The following MTUS1 variants were observed in gnomAD, a reference collection of about 807,000 sequenced individuals.
MTUS1 encodes microtubule associated scaffold protein 1.
A neutral mutation model predicts 120.8 loss-of-function variants in MTUS1; 109 were observed. The observed-to-expected ratio is 0.90, with a 90% confidence interval of 0.77 to 1.06. The LOEUF is 1.06. Ranked by LOEUF, MTUS1 falls within the 50% of genes least tolerant of loss-of-function variation. The pLI, the probability that MTUS1 is intolerant of heterozygous loss-of-function variation, is 0.00. For missense variants in MTUS1, 2,210 were observed against 1,486.3 expected, an observed-to-expected ratio of 1.49 and a Z score of -8.01; for synonymous variants, 737 against 550.5, an observed-to-expected ratio of 1.34 and a Z score of -4.74.
chr8:17,719,555 A>G (rs1463720640), intron 4 of MTUS1, among the ~76,000 whole-genome samples: 1 of 152,246 alleles, frequency 6.6e-6, no homozygotes, highest in African/African-American at 2.4e-5. Context: ...GTGCGTAAGT[A>G]CTAACATGTT....
At chr8:17,689,068 G>T (rs1290511502) in intron 6 of MTUS1, among the ~76,000 whole-genome samples, 1 of 152,096 alleles carries the variant, frequency 6.6e-6, no homozygotes, top group African/African-American at 2.4e-5. Flanking sequence ...AAAGTTAGCT[G>T]GGTGTGGTGG....
At chr8:17,715,239 G>A (rs894402486) in intron 5 of MTUS1, among the ~76,000 whole-genome samples, 1 of 152,052 alleles carries the variant, frequency 6.6e-6, no homozygotes, top group Non-Finnish European at 1.5e-5. Context: ...TGGCCCCACT[G>A]AGACAAAGCT....
intron 8 of MTUS1, among the ~76,000 whole-genome samples, chr8:17,664,705 G>A (rs2130475870): frequency 6.6e-6 from 1 of 152,216 alleles, no homozygotes; most frequent in African/African-American, 2.4e-5. Flanking sequence ...TTCTACCGTA[G>A]GAGTGTGATG....
At chr8:17,713,295 G>T in intron 5 of MTUS1, 43 bp from the exon 6 acceptor site, 2 of 1,113,722 alleles carry the variant, frequency 1.8e-6, no homozygotes, top group South Asian at 2.7e-5. Context: ...TGTTTTATTT[G>T]ACATATCACA....
Position 17,713,296 on chromosome 8 carries a change from A to C in MTUS1, c.2585-44T>G, listed in dbSNP as rs371815520. The stretch of plus-strand genomic sequence containing the variant: ...ATGTAAAATACATATGTTTTATTTG[A>C]CATATCACATAAAAACAAACCATGT... On this transcript the variant is annotated intron_variant, in intron 5 of 14. Transcript: ENST00000693296. 116 of 1,108,436 alleles carry C rather than the reference A, an allele frequency of 1.0e-4. No homozygotes were observed. The African/African-American group carries it at 1.7e-3, about 17-fold the overall frequency. 68.7% of individuals were successfully genotyped at this position (1,108,436 alleles called of 1,614,324 possible).
rs1226284196 is a variant in MTUS1, at chr8:17,755,517, C to G, written c.291G>C (p.Met97Ile). 6.2e-7 allele frequency: 1 copy of G among 1,614,014 alleles called. No homozygotes were observed. The highest frequency in any genetic ancestry group is 1.3e-5 in the African/African-American group (1 of 74,914). ...GACACTGACAAATAGAATCTTTATG[C>G]ATATCTAACACCTGCTTACTAATGA... Reference protein sequence around the residue: ...SDFISKQVLDMHKDSICQCPA... With the variant: ...SDFISKQVLDIHKDSICQCPA... The change falls in exon 2 of 15, where the codon ATG becomes ATC. Residue 97 changes from methionine to isoleucine, a missense_variant. Met to Ile is a conservative substitution (Grantham distance 10). Coordinates refer to ENST00000693296, the MANE Select transcript of MTUS1 (RefSeq NM_001363059.2).
chr8:17,714,711 G>A (rs1821972309), intron 5 of MTUS1, among the ~76,000 whole-genome samples: 1 of 151,868 alleles, frequency 6.6e-6, no homozygotes, highest in African/African-American at 2.4e-5. Context: ...ACATACAGAG[G>A]AAAAAAGTCA....
intron 1 of MTUS1, among the ~76,000 whole-genome samples, chr8:17,756,237 C>A (rs545952818): frequency 3.9e-5 from 6 of 152,296 alleles, no homozygotes; most frequent in South Asian, 2.1e-4. Flanking sequence ...GCCTCTCCCC[C>A]ACTCCCAGGG....
intron 3 of MTUS1, among the ~76,000 whole-genome samples, chr8:17,737,338 G>A (rs996684464): frequency 2.6e-5 from 4 of 152,118 alleles, no homozygotes; most frequent in African/African-American, 9.7e-5. Context: ...TTTAAAAGAG[G>A]GCTTAGCACT....
chr8:17,731,434 G>A (rs567737806), intron 3 of MTUS1, among the ~76,000 whole-genome samples: 1 of 152,154 alleles, frequency 6.6e-6, no homozygotes, highest in African/African-American at 2.4e-5. Flanking sequence ...GCTTAGAACA[G>A]CATCTGGCAC....
rs1206585474 is a variant in MTUS1, at chr8:17,759,094, C to G, written c.-154-3133G>C. On this transcript the variant is annotated intron_variant, in intron 1 of 14. Transcript: ENST00000693296. ...GATGGTGTTCCACTGTGTTAGCCAGCATGGTCTTGATCTCCTGACCTCGTG... is the reference window on the plus strand; with the variant it reads ...GATGGTGTTCCACTGTGTTAGCCAGGATGGTCTTGATCTCCTGACCTCGTG... Among the ~76,000 whole-genome samples the G allele has an allele frequency of 3.9e-5, 6 of 151,944 alleles. No homozygotes were observed. The East Asian group carries it at 5.8e-4, about 15-fold the overall frequency.
intron 3 of MTUS1, among the ~76,000 whole-genome samples, chr8:17,728,191 T>C (rs1239619735): frequency 6.6e-6 from 1 of 152,190 alleles, no homozygotes; most frequent in East Asian, 1.9e-4. Flanking sequence ...GTTCCAGTTA[T>C]GCAAGATGAA....
At chr8:17,691,886 T>C (rs1458942646) in intron 6 of MTUS1, 1 of 152,192 alleles carries the variant, frequency 6.6e-6, no homozygotes, top group African/African-American at 2.4e-5. Context: ...AAAAGCCACA[T>C]TTAAAGTTGA....
intron 8 of MTUS1, among the ~76,000 whole-genome samples, chr8:17,662,631 G>T (rs1480452747): frequency 6.6e-6 from 1 of 151,918 alleles, no homozygotes; most frequent in Non-Finnish European, 1.5e-5. Flanking sequence ...TGGAATTACA[G>T]GTGTGAGCCA....
chr8:17,678,541 C>T (rs915911028), intron 7 of MTUS1, among the ~76,000 whole-genome samples: 1 of 152,110 alleles, frequency 6.6e-6, no homozygotes, highest in Admixed American at 6.5e-5. Context: ...TTGCTAGCCA[C>T]TGAGTAGCAT....
chr8:17,726,251 G>A lies in MTUS1; in HGVS notation c.2288-2418C>T, dbSNP rs981697063. On this transcript the variant is annotated intron_variant, in intron 3 of 14. Coordinates refer to ENST00000693296, the MANE Select transcript of MTUS1 (RefSeq NM_001363059.2). ...TCCCCAGGTGATTAAAATGCACCTG[G>A]AGTTTCTGAAGCACTGTTGAGAATC... Among the ~76,000 whole-genome samples, 6 of 152,190 alleles carry A rather than the reference G, an allele frequency of 3.9e-5. No individual in the cohort carries two copies. In the East Asian group the frequency reaches 1.2e-3, roughly 29 times the overall value.
At chr8:17,661,954 G>C (rs529017977) in intron 8 of MTUS1, among the ~76,000 whole-genome samples, 1 of 152,176 alleles carries the variant, frequency 6.6e-6, no homozygotes, top group Non-Finnish European at 1.5e-5. Context: ...CATTTATTTG[G>C]CATAAAGACT....
At position 17,674,850 on chromosome 8, in the gene MTUS1, T is replaced by C. The variant is rs1048993175; in HGVS notation, c.2905+336A>G. 9.0e-6 allele frequency: 10 copies of C among 1,115,344 alleles called. No homozygotes were observed. The African/African-American group carries it at 1.3e-4, about 14-fold the overall frequency. The allele number at this position is 1,115,344 out of a possible 1,614,324, so 69.1% of individuals were successfully genotyped here. On this transcript the variant is annotated intron_variant, in intron 8 of 14. Transcript: ENST00000693296. The stretch of plus-strand genomic sequence containing the variant: ...AGGGGAAACTTTCACTATTCTCATA[T>C]GAAAAGTGCTTCAGAAAAAAAAATG...
At chr8:17,759,747 T>A (rs529764940) in intron 1 of MTUS1, among the ~76,000 whole-genome samples, 3 of 151,190 alleles carry the variant, frequency 2.0e-5, no homozygotes, top group African/African-American at 7.3e-5. Flanking sequence ...CATGTCATTA[T>A]ACTATAAAAA....
Sources: allele counts gnomAD v4.1 joint callset (sites outside exome capture counted in the v4.1 genomes callset), GRCh38; gene constraint gnomAD v4.1.1; transcripts MANE v1.5; gene names NCBI Gene and HGNC (gene_info 2026-07-23, HGNC 2026-07-21).